ADSL: variants seen among roughly 807,000 people sequenced by gnomAD.
ADSL encodes the protein adenylosuccinase.
ADSL carries 44 observed loss-of-function variants against 62.1 expected under a neutral mutation model. The observed-to-expected ratio is 0.71, with a 90% CI of 0.56 to 0.91. The LOEUF is 0.91. Ranked by LOEUF, ADSL falls within the 40% of genes least tolerant of loss-of-function variation. ADSL has a pLI of 0.00. For synonymous variants in ADSL, 198 were observed against 220.5 expected (o/e 0.90, Z 0.90); for missense variants, 531 against 627.4 (o/e 0.85, Z 1.64).
chr22:40,374,660 T>C (rs376133805), intron 2 of ADSL, among the ~76,000 whole-genome samples: 5 of 152,144 alleles, frequency 3.3e-5, no homozygotes, highest in Non-Finnish European at 7.4e-5. Context: ...AGGTAGAGGA[T>C]TGCTTGAGCC....
At chr22:40,383,454 G>A (rs370754399) in intron 2 of ADSL, among the ~76,000 whole-genome samples, 1 of 145,790 alleles carries the variant, frequency 6.9e-6, no homozygotes, top group Non-Finnish European at 1.5e-5. Context: ...GCGACAGAGC[G>A]AGACTCTGTC....
At chr22:40,374,188 G>A (rs955242632), downstream of ADSL, among the ~76,000 whole-genome samples, 8 of 151,964 alleles carry the variant, frequency 5.3e-5, no homozygotes, top group African/African-American at 1.7e-4. Context: ...ATCTGACCTC[G>A]TGATCCGCCT....
chr22:40,356,052 AT>A (rs146356626), intron 4 of ADSL, among the ~76,000 whole-genome samples: 16 of 150,564 alleles, frequency 1.1e-4, no homozygotes, highest in African/African-American at 3.9e-4. Flanking sequence ...AAAAAAAAAA[AT>A]TAGCCGGACG....
At chr22:40,355,385 T>TGCCGACTTGAGATCC (rs1441440169) in intron 4 of ADSL, among the ~76,000 whole-genome samples, 3 of 152,134 alleles carry the variant, frequency 2.0e-5, no homozygotes, top group Non-Finnish European at 4.4e-5. Context: ...TCAAGTGATC[T>TGCCGACTTGAGATCC]GCCCACTTGA....
In ADSL at chr22:40,386,025, G is replaced by T. The variant is rs988802446; in HGVS notation, c.90-4205G>T. Among the ~76,000 whole-genome samples the T allele has an allele frequency of 1.0e-4, 15 of 145,200 alleles. 1 individual carries two copies. The highest frequency in any genetic ancestry group is 2.0e-4 in the East Asian group (1 of 4,948). ...CGCCACCATGCCCGGCTAATTTTTT[G>T]TTTTTTTTTTTGTTTTTTTTGTTTT... is the stretch of plus-strand genomic sequence containing the variant. On this transcript the variant is annotated intron_variant, in intron 2 of 2. Coordinates refer to the ADSL transcript ENST00000498234.
chr22:40,379,004 T>G (rs2047113996), intron 2 of ADSL, among the ~76,000 whole-genome samples: 1 of 152,344 alleles, frequency 6.6e-6, no homozygotes, highest in African/African-American at 2.4e-5. Flanking sequence ...CAGATTTTTC[T>G]TACTGAGCCT....
At chr22:40,360,876 A>C (rs1023830370) in intron 7 of ADSL, among the ~76,000 whole-genome samples, 1 of 151,796 alleles carries the variant, frequency 6.6e-6, no homozygotes, top group Non-Finnish European at 1.5e-5. Context: ...TGTCTGGCTA[A>C]TTTTAGTAGA....
Position 40,349,934 on chromosome 22 carries a change from CATG to C in ADSL, c.260_262del (p.Asp87del). 1 of 1,614,156 alleles carries C rather than the reference CATG, an allele frequency of 6.2e-7. No individual in the cohort carries two copies. On this transcript the variant is annotated inframe_deletion, in exon 2 of 13. Transcript: ENST00000623063. Reference sequence around the variant, plus strand: ...AGCTGAGGAAGAGAAACGTTTACGACATGATGTGATGGCTCACGTGCACACATT... The same window carrying C: ...AGCTGAGGAAGAGAAACGTTTACGACATGTGATGGCTCACGTGCACACATT...
At chr22:40,374,467 C>T (rs1569125887) in intron 2 of ADSL, among the ~76,000 whole-genome samples, 1 of 152,224 alleles carries the variant, frequency 6.6e-6, no homozygotes, top group Non-Finnish European at 1.5e-5. Flanking sequence ...GATCTGGTAA[C>T]TGAGCTACAA....
chr22:40,366,245 T>C (rs983581399), intron 12 of ADSL, among the ~76,000 whole-genome samples, 191 bp from the exon 13 acceptor site: 1 of 152,140 alleles, frequency 6.6e-6, no homozygotes, highest in African/African-American at 2.4e-5. Context: ...TTGGTGAGCA[T>C]GTGGGCATGG....
At chr22:40,370,050 C>A (rs970518266), downstream of ADSL, among the ~76,000 whole-genome samples, 5 of 152,194 alleles carry the variant, frequency 3.3e-5, no homozygotes, top group Middle Eastern at 3.4e-3. Flanking sequence ...CAGAAAATTT[C>A]GTTTTCCGGC....
chr22:40,371,435 G>A (rs1003210943), downstream of ADSL, among the ~76,000 whole-genome samples: 1 of 152,052 alleles, frequency 6.6e-6, no homozygotes, highest in Non-Finnish European at 1.5e-5. Flanking sequence ...GAGATGTCCT[G>A]GAATGTTCTA....
chr22:40,371,921 A>G (rs927813466), downstream of ADSL, among the ~76,000 whole-genome samples: 4 of 150,524 alleles, frequency 2.7e-5, no homozygotes, highest in Non-Finnish European at 4.4e-5. Context: ...CTGGTCTCGA[A>G]CTCCTGACCA....
At chr22:40,365,869 A>T (rs1387501899) in intron 12 of ADSL, among the ~76,000 whole-genome samples, 4 of 151,738 alleles carry the variant, frequency 2.6e-5, no homozygotes, top group Non-Finnish European at 5.9e-5. Flanking sequence ...ATCCTGTCTT[A>T]AAAAAAATAC....
intron 9 of ADSL, 98 bp downstream of exon 9, chr22:40,361,733 C>A: frequency 2.0e-6 from 3 of 1,494,702 alleles, no homozygotes; most frequent in Non-Finnish European, 2.7e-6. Context: ...CTACAGTCTC[C>A]TTATCCCCAA....
At chr22:40,354,721 A>G (rs1219514279) in intron 4 of ADSL, among the ~76,000 whole-genome samples, 2 of 151,966 alleles carry the variant, frequency 1.3e-5, no homozygotes, top group African/African-American at 2.4e-5. Flanking sequence ...AAATACAAAC[A>G]TTAGCCAGAT....
Position 40,349,960 on chromosome 22 carries a change from A to G in ADSL, c.282A>G (p.Thr94=), listed in dbSNP as rs141408072. Residue 94 remains threonine, a synonymous_variant, in exon 2 of 13, where the codon ACA becomes ACG. Coordinates refer to ENST00000623063, the MANE Select transcript of ADSL (RefSeq NM_000026.4). ...ATGATGTGATGGCTCACGTGCACAC[A>G]TTTGGCCACTGCTGTCCAAAAGCTG... ...LRHDVMAHVH[T]FGHCCPKAAG... The G allele has an allele frequency of 3.1e-6, 5 of 1,614,038 alleles. No homozygotes were observed. Among genetic ancestry groups the G allele is most frequent in the African/African-American group, 2.7e-5 (2 of 74,916 alleles).
chr22:40,346,706 G>A lies in ADSL; in HGVS notation c.148G>A (p.Glu50Lys). The change falls in exon 1 of 13, where the codon GAG (glutamate) becomes AAG (lysine). Residue 50 changes from glutamate (E) to lysine (K), a missense_variant. Glu to Lys is a moderately conservative substitution (Grantham distance 56). Coordinates refer to ENST00000623063, the MANE Select transcript of ADSL (RefSeq NM_000026.4). ...GCTGTGGCTGTGGCTGGCGGAGGCC[G>A]AGCAGGTAACGGATCCCGGGCTGAG... ...RQLWLWLAEA[E>K]QTLGLPITDE... 2.5e-6 allele frequency: 4 copies of A among 1,604,462 alleles called. No individual in the cohort carries two copies. The highest frequency in any genetic ancestry group is 1.1e-5 in the South Asian group (1 of 89,946).
chr22:40,353,961 A>C (rs1305625953), intron 3 of ADSL: 5 of 497,292 alleles, frequency 1.0e-5, no homozygotes, highest in Non-Finnish European at 1.8e-5. Flanking sequence ...AGTGCAACCA[A>C]AGGCATGTTG....
Sources: gnomAD v4.1 joint callset for allele counts (sites outside exome capture counted in the v4.1 genomes callset) on GRCh38, gnomAD v4.1.1 for gene constraint, MANE v1.5 for transcripts, NCBI Gene and HGNC (gene_info 2026-07-23, HGNC 2026-07-21) for gene names.